The following BLTP1 variants were observed in gnomAD, a reference collection of about 807,000 sequenced individuals.
The protein encoded by BLTP1 is fragile site-associated protein.
the BLTP1 span, among the ~76,000 whole-genome samples, chr4:122,274,044 A>G: frequency 7.9e-5 from 12 of 152,070 alleles, no homozygotes; most frequent in African/African-American, 2.6e-4. Flanking sequence ...TATTTCTGAG[A>G]TGTAAAATGC....
At chr4:122,276,762 G>A in the BLTP1 span, 1 of 969,320 alleles carries the variant, frequency 1.0e-6, no homozygotes, top group Non-Finnish European at 1.2e-6. Context: ...TCATCTCTGA[G>A]AAATAGTGTC....
At chr4:122,349,054 T>G in the BLTP1 span, 1 of 946,264 alleles carries the variant, frequency 1.1e-6, no homozygotes, top group Non-Finnish European at 1.5e-6. The surrounding 1 kb of genome is among the most constrained non-coding windows in gnomAD (Gnocchi z 4.5). Context: ...ATTGTCAAAC[T>G]TGACCTTTTA....
At chr4:122,362,362 A>G in the BLTP1 span, 1 of 842,446 alleles carries the variant, frequency 1.2e-6, no homozygotes, top group Non-Finnish European at 1.8e-6. Context: ...ATTTGTGGCT[A>G]TAATTAAAAG....
chr4:122,286,575 T>C, the BLTP1 span: 96 of 1,614,078 alleles, frequency 5.9e-5, 1 homozygote, highest in East Asian at 2.1e-3. Context: ...AGCTGCCAAA[T>C]CACAGATTGC....
chr4:122,159,462 A>G, the BLTP1 span, among the ~76,000 whole-genome samples: 1 of 125,474 alleles, frequency 8.0e-6, no homozygotes, highest in African/African-American at 4.1e-5. Context: ...ACTCTGTCCC[A>G]AAAAAAAAAA....
the BLTP1 span, chr4:122,184,927 C>T: frequency 0.99 from 976,704 of 984,398 alleles, 484,994 homozygotes; most frequent in East Asian, 1. Context: ...TTTCATTATT[C>T]CTACAGATGC....
chr4:122,291,020 G>T, the BLTP1 span: 1 of 549,784 alleles, frequency 1.8e-6, no homozygotes, highest in Non-Finnish European at 2.3e-6. Context: ...TCTTAAGGTA[G>T]TTTTGATTAA....
the BLTP1 span, among the ~76,000 whole-genome samples, chr4:122,211,390 C>T: frequency 6.6e-6 from 1 of 151,140 alleles, no homozygotes; most frequent in Non-Finnish European, 1.5e-5. Flanking sequence ...AGAGGGATAG[C>T]TAGGATAGAC....
At chr4:122,168,986 C>A in the BLTP1 span, among the ~76,000 whole-genome samples, 3 of 152,132 alleles carry the variant, frequency 2.0e-5, no homozygotes, top group Non-Finnish European at 2.9e-5. Flanking sequence ...CTCCCTCTCT[C>A]AACTGGGCTG....
the BLTP1 span, chr4:122,245,258 A>C: frequency 1.2e-6 from 1 of 829,998 alleles, no homozygotes; most frequent in Non-Finnish European, 1.9e-6. Flanking sequence ...CATGTTCTAA[A>C]AGCGTTTATA....
the BLTP1 span, among the ~76,000 whole-genome samples, chr4:122,245,863 A>G: frequency 6.6e-6 from 1 of 152,164 alleles, no homozygotes; most frequent in Non-Finnish European, 1.5e-5. Context: ...TTTTCAAGCC[A>G]GAAGAGTTTA....
the BLTP1 span, chr4:122,190,612 A>T: frequency 1.8e-6 from 1 of 552,834 alleles, no homozygotes; most frequent in Admixed American, 6.4e-5. Context: ...TTTCAAATTC[A>T]GTTTTCATAG....
At chr4:122,240,167 G>C in the BLTP1 span, 2 of 1,614,062 alleles carry the variant, frequency 1.2e-6, no homozygotes, top group East Asian at 4.5e-5. Flanking sequence ...AGATTACTCC[G>C]CAACAACCCG....
chr4:122,310,514 T>C, the BLTP1 span, among the ~76,000 whole-genome samples: 5 of 152,106 alleles, frequency 3.3e-5, no homozygotes, highest in African/African-American at 1.2e-4. Flanking sequence ...TAGAGAGTTG[T>C]AGAGCAATGT....
At chr4:122,172,354 T>G in the BLTP1 span, 1 of 710,566 alleles carries the variant, frequency 1.4e-6, no homozygotes, top group African/African-American at 1.9e-5. Context: ...AACAATGTTT[T>G]CCTGTTTTGC....
At chr4:122,271,467 A>C in the BLTP1 span, 41 of 1,613,586 alleles carry the variant, frequency 2.5e-5, no homozygotes, top group African/African-American at 5.2e-4. Context: ...AATGAGAATA[A>C]CAAAAAGGAA....
At chr4:122,222,559 G>T in the BLTP1 span, among the ~76,000 whole-genome samples, 2 of 152,090 alleles carry the variant, frequency 1.3e-5, no homozygotes, top group Admixed American at 1.3e-4. Context: ...TGTTGGCAGG[G>T]TCACATTCTG....
the BLTP1 span, among the ~76,000 whole-genome samples, chr4:122,227,953 G>A: frequency 2.1e-5 from 3 of 144,006 alleles, no homozygotes; most frequent in African/African-American, 5.2e-5. Context: ...TTGCTCTGTC[G>A]CCCAGGCTGG....
At chr4:122,358,024 T>C in the BLTP1 span, among the ~76,000 whole-genome samples, 5 of 152,168 alleles carry the variant, frequency 3.3e-5, no homozygotes, top group Non-Finnish European at 5.9e-5. Flanking sequence ...ATGACCTCAG[T>C]AGAAACTTCA....
Sources: allele counts gnomAD v4.1 joint callset (sites outside exome capture counted in the v4.1 genomes callset), GRCh38; gene constraint gnomAD v4.1.1; non-coding constraint Gnocchi (gnomAD v3.1); transcripts MANE v1.5; gene names NCBI Gene and HGNC (gene_info 2026-07-23, HGNC 2026-07-21).